The following SNCAIP variants were observed in gnomAD, a reference collection of about 807,000 sequenced individuals.
The protein encoded by SNCAIP is synuclein alpha interacting protein.
A neutral mutation model predicts 86.7 loss-of-function variants in SNCAIP; 43 were observed. The observed-to-expected ratio is 0.50, with a 90% CI of 0.39 to 0.64. The LOEUF is 0.64. Ranked by LOEUF, SNCAIP falls within the 30% of genes least tolerant of loss-of-function variation. The pLI is 0.00. For missense variants in SNCAIP, 981 were observed against 1,103.1 expected, an observed-to-expected ratio of 0.89 and a Z score of 1.57; for synonymous variants, 417 against 427.2, an observed-to-expected ratio of 0.98 and a Z score of 0.29.
At chr5:122,427,323 C>A (rs1377198759) in intron 5 of SNCAIP, among the ~76,000 whole-genome samples, 1 of 151,584 alleles carries the variant, frequency 6.6e-6, no homozygotes, top group African/African-American at 2.4e-5. Flanking sequence ...TATATTCCTG[C>A]AGTCAACATA....
At chr5:122,453,442 C>A (rs556435771) in intron 10 of SNCAIP, among the ~76,000 whole-genome samples, 1 of 152,304 alleles carries the variant, frequency 6.6e-6, no homozygotes, top group South Asian at 2.1e-4. Context: ...TTTTGCTGAT[C>A]TCAGGAGAAG....
chr5:122,393,611 G>A (rs1386019180), intron 2 of SNCAIP, among the ~76,000 whole-genome samples: 1 of 152,130 alleles, frequency 6.6e-6, no homozygotes, highest in East Asian at 1.9e-4. Context: ...TCATACCGGG[G>A]AGTTGCTACT....
At chr5:122,404,144 T>A (rs1167303495) in intron 3 of SNCAIP, among the ~76,000 whole-genome samples, 1 of 152,072 alleles carries the variant, frequency 6.6e-6, no homozygotes, top group Non-Finnish European at 1.5e-5. Context: ...CCACAATATA[T>A]GCAGCAATTT....
intron 3 of SNCAIP, among the ~76,000 whole-genome samples, chr5:122,408,918 G>C (rs1773561465): frequency 6.6e-6 from 1 of 152,152 alleles, no homozygotes; most frequent in African/African-American, 2.4e-5. Flanking sequence ...GCTCACAGAG[G>C]GTAAATAATG....
intron 1 of SNCAIP, among the ~76,000 whole-genome samples, chr5:122,329,843 T>C (rs1425793454): frequency 6.6e-6 from 1 of 152,154 alleles, no homozygotes; most frequent in Non-Finnish European, 1.5e-5. Context: ...CTCATCAAAA[T>C]GGAACTTCAA....
At chr5:122,462,532 C>G (rs1467785546) in intron 10 of SNCAIP, among the ~76,000 whole-genome samples, 1 of 152,130 alleles carries the variant, frequency 6.6e-6, no homozygotes, top group Non-Finnish European at 1.5e-5. Flanking sequence ...CCATGGACAG[C>G]TCTCTAAAGT....
At chr5:122,360,370 A>C (rs995246706) in intron 1 of SNCAIP, among the ~76,000 whole-genome samples, 1 of 152,176 alleles carries the variant, frequency 6.6e-6, no homozygotes, top group African/African-American at 2.4e-5. Flanking sequence ...TGCCCCAGAA[A>C]CTACATTTCA....
At chr5:122,455,001 C>T (rs1784449515) in intron 10 of SNCAIP, among the ~76,000 whole-genome samples, 1 of 152,192 alleles carries the variant, frequency 6.6e-6, no homozygotes. Context: ...TCTAAAGGCT[C>T]AGTTTAGATT....
At chr5:122,449,767 T>G in intron 8 of SNCAIP, 78 bp from the exon 9 acceptor site, 1 of 976,772 alleles carries the variant, frequency 1.0e-6, no homozygotes, top group Non-Finnish European at 1.7e-6. Flanking sequence ...TGGAAATTAT[T>G]ACGAAAAATA....
intron 3 of SNCAIP, among the ~76,000 whole-genome samples, 195 bp downstream of exon 3, chr5:122,404,060 G>T (rs557701362): frequency 6.6e-6 from 1 of 152,184 alleles, no homozygotes; most frequent in East Asian, 1.9e-4. Context: ...AGGATAGCAG[G>T]ACAGGGAGGC....
chr5:122,456,355 C>T (rs1047123913), intron 10 of SNCAIP, among the ~76,000 whole-genome samples: 4 of 152,268 alleles, frequency 2.6e-5, no homozygotes, highest in Non-Finnish European at 2.9e-5. Context: ...TGGTCTGCTT[C>T]GCCAGTAGTG....
At chr5:122,401,959 G>A (rs1004999692) in intron 2 of SNCAIP, among the ~76,000 whole-genome samples, 6 of 152,118 alleles carry the variant, frequency 3.9e-5, no homozygotes, top group Non-Finnish European at 7.4e-5. Flanking sequence ...AATACAGATA[G>A]CAGCTCACCC....
intron 1 of SNCAIP, chr5:122,369,710 A>T (rs1283996085): frequency 1.3e-5 from 2 of 152,126 alleles, no homozygotes; most frequent in Non-Finnish European, 2.9e-5. Flanking sequence ...TCCACATCAC[A>T]ATCACCTTCC....
At chr5:122,337,180 A>G (rs1306955739) in intron 1 of SNCAIP, among the ~76,000 whole-genome samples, 2 of 152,210 alleles carry the variant, frequency 1.3e-5, no homozygotes. Context: ...TACTGCACAT[A>G]TATTGTGGGT....
intron 1 of SNCAIP, among the ~76,000 whole-genome samples, chr5:122,375,489 T>C (rs1478544386): frequency 1.3e-5 from 2 of 149,826 alleles, no homozygotes; most frequent in Non-Finnish European, 3.0e-5. Context: ...TTTTTTTTCA[T>C]TTTTCTTCTG....
chr5:122,406,574 G>A (rs1773049803), intron 3 of SNCAIP, among the ~76,000 whole-genome samples: 1 of 152,124 alleles, frequency 6.6e-6, no homozygotes, highest in African/African-American at 2.4e-5. Flanking sequence ...GAATGGTTTA[G>A]CGCCATCTCC....
intron 4 of SNCAIP, 59 bp from the exon 5 acceptor site, chr5:122,425,293 C>T (rs1423318498): frequency 1.5e-5 from 21 of 1,369,658 alleles, no homozygotes; most frequent in East Asian, 2.3e-5. Context: ...GAGAAAAACT[C>T]CTACAGGGTC....
At chr5:122,418,734 T>C (rs996567989) in intron 3 of SNCAIP, among the ~76,000 whole-genome samples, 1 of 152,112 alleles carries the variant, frequency 6.6e-6, no homozygotes, top group African/African-American at 2.4e-5. Context: ...AAATCAGGGG[T>C]ATTTAGCATG....
At chr5:122,446,035 G>A (rs967286921) in intron 8 of SNCAIP, among the ~76,000 whole-genome samples, 3 of 151,972 alleles carry the variant, frequency 2.0e-5, no homozygotes, top group Non-Finnish European at 4.4e-5. Context: ...CCTTTGCCTA[G>A]TTACACAAAA....
Sources: allele counts gnomAD v4.1 joint callset (sites outside exome capture counted in the v4.1 genomes callset), GRCh38; gene constraint gnomAD v4.1.1; transcripts MANE v1.5; gene names NCBI Gene and HGNC (gene_info 2026-07-23, HGNC 2026-07-21).